Variants in TAF4B observed in about 807,000 individuals in gnomAD.
TAF4B encodes transcription initiation factor TFIID subunit 4B.
TAF4B carries 38 observed loss-of-function variants against 86.4 expected under a neutral mutation model. The observed-to-expected ratio is 0.44, with a 90% CI of 0.34 to 0.58. The LOEUF is 0.58. Among genes scored for constraint, TAF4B ranks in the 20% least tolerant of loss-of-function variants. The probability of loss-of-function intolerance (pLI) is 0.02; values close to 1 mark genes in which losing one functional copy is unlikely to be tolerated. For synonymous variants in TAF4B, 388 were observed against 391.2 expected, an observed-to-expected ratio of 0.99 and a Z score of 0.10; for missense variants, 988 against 1,027.6, an observed-to-expected ratio of 0.96 and a Z score of 0.53.
At position 26,226,482 on chromosome 18, in the gene TAF4B, G is replaced by A. The variant is rs1350978437; in HGVS notation, c.-452G>A. 6.5e-6 allele frequency: 1 copy of A among 153,092 alleles called. No individual in the cohort carries two copies. Among genetic ancestry groups the A allele is most frequent in the Non-Finnish European group, 1.5e-5 (1 of 68,756 alleles). The allele number at this position is 153,092 out of a possible 1,614,324, so 9.5% of individuals were successfully genotyped here. A position where few individuals can be genotyped will look rare whatever the true frequency, so the allele number is the denominator to read the frequency against. Reference sequence around the variant, plus strand: ...ACATGGCTGGCGTGGCCGCGCGGCGGGGCCGTGCCAATCGCGCGTAGGGGG... The same window carrying A: ...ACATGGCTGGCGTGGCCGCGCGGCGAGGCCGTGCCAATCGCGCGTAGGGGG... On this transcript the variant is annotated 5_prime_UTR_variant, in exon 1 of 15. Transcript: ENST00000269142.
intron 5 of TAF4B, among the ~76,000 whole-genome samples, chr18:26,277,466 A>G (rs1364957401): frequency 6.6e-6 from 1 of 152,236 alleles, no homozygotes; most frequent in East Asian, 1.9e-4. Flanking sequence ...CAAAACAACA[A>G]CAGAATTGAA....
chr18:26,324,730 C>T (rs773870427), intron 11 of TAF4B, among the ~76,000 whole-genome samples: 2 of 152,194 alleles, frequency 1.3e-5, no homozygotes, highest in African/African-American at 4.8e-5. Flanking sequence ...TTCCTACACT[C>T]ATTTGTTAAT....
intron 13 of TAF4B, among the ~76,000 whole-genome samples, chr18:26,338,300 T>C (rs2057108497): frequency 6.6e-6 from 1 of 151,482 alleles, no homozygotes; most frequent in Admixed American, 6.6e-5. Context: ...ATACAAAAAA[T>C]TAGCTGAGTG....
intron 14 of TAF4B, among the ~76,000 whole-genome samples, chr18:26,370,490 G>T (rs1378134570): frequency 6.6e-6 from 1 of 152,154 alleles, no homozygotes; most frequent in Non-Finnish European, 1.5e-5. Flanking sequence ...TCTGAAGGAG[G>T]TTAATCTCCT....
chr18:26,260,433 T>C (rs950448771), intron 1 of TAF4B, among the ~76,000 whole-genome samples: 2 of 152,212 alleles, frequency 1.3e-5, no homozygotes, highest in Non-Finnish European at 2.9e-5. Context: ...TTTAAGTCTT[T>C]AATCCATCTT....
intron 1 of TAF4B, among the ~76,000 whole-genome samples, chr18:26,255,493 C>T (rs1316946417): frequency 2.0e-5 from 3 of 150,840 alleles, no homozygotes; most frequent in South Asian, 2.1e-4. Context: ...AACCCAGCTA[C>T]TTGGGAGGCT....
intron 14 of TAF4B, among the ~76,000 whole-genome samples, chr18:26,382,301 A>C (rs1014171706): frequency 2.0e-5 from 3 of 152,200 alleles, no homozygotes; most frequent in African/African-American, 7.2e-5. Flanking sequence ...GAAAATAACC[A>C]TAGTGTAAGT....
At chr18:26,364,288 AG>A (rs1442758787) in intron 14 of TAF4B, among the ~76,000 whole-genome samples, 1 of 152,186 alleles carries the variant, frequency 6.6e-6, no homozygotes, top group Non-Finnish European at 1.5e-5. Context: ...GGGTCGCAGG[AG>A]GGTGGAAAAA....
intron 13 of TAF4B, among the ~76,000 whole-genome samples, chr18:26,345,604 G>A (rs1223503089): frequency 6.6e-6 from 1 of 152,186 alleles, no homozygotes; most frequent in Non-Finnish European, 1.5e-5. Flanking sequence ...GATTACAGCT[G>A]AAGAAACTAC....
chr18:26,273,214 CT>C lies in TAF4B; in HGVS notation c.598-1444del, dbSNP rs562788003. 4.0e-3 allele frequency among the ~76,000 whole-genome samples: 615 copies of C among 152,154 alleles called. 5 individuals carry two copies. Among genetic ancestry groups the C allele is most frequent in the Non-Finnish European group, 6.8e-3 (465 of 67,982 alleles). On this transcript the variant is annotated intron_variant, in intron 3 of 14. Transcript: ENST00000269142. ...GCCTGGAGACTTGAGGGAGGGAGGT[CT>C]TTTTGGGTATCATTTCAATGTCTTT...
chr18:26,354,073 A>G (rs985120881), intron 13 of TAF4B, among the ~76,000 whole-genome samples: 5 of 152,296 alleles, frequency 3.3e-5, no homozygotes, highest in African/African-American at 9.6e-5. Context: ...TGTTCCAACA[A>G]CATTTGATGT....
intron 9 of TAF4B, among the ~76,000 whole-genome samples, chr18:26,300,282 C>T (rs1256793942): frequency 6.7e-6 from 1 of 150,048 alleles, no homozygotes; most frequent in African/African-American, 2.4e-5. Context: ...AGCCACTATG[C>T]CTGGCTTGTT....
intron 10 of TAF4B, among the ~76,000 whole-genome samples, chr18:26,316,267 A>G (rs181649364): frequency 2.9e-3 from 441 of 152,320 alleles, no homozygotes; most frequent in Non-Finnish European, 4.2e-3. Context: ...GACCTATGGT[A>G]TATTTAAGGA....
intron 9 of TAF4B, among the ~76,000 whole-genome samples, chr18:26,310,956 GT>G (rs200429421): frequency 1.7e-4 from 25 of 144,782 alleles, no homozygotes; most frequent in East Asian, 8.1e-4. Context: ...TGCTTTTTTT[GT>G]TTTTTTTTTA....
intron 2 of TAF4B, among the ~76,000 whole-genome samples, chr18:26,265,681 G>T (rs1042094202): frequency 3.3e-4 from 50 of 151,912 alleles, no homozygotes; most frequent in Admixed American, 1.8e-3. Flanking sequence ...CCTGCCTCAG[G>T]CTCGCATATA....
At chr18:26,268,695 T>C (rs911122337) in intron 3 of TAF4B, among the ~76,000 whole-genome samples, 5 of 152,238 alleles carry the variant, frequency 3.3e-5, no homozygotes, top group African/African-American at 9.6e-5. Context: ...CCCTACCTCC[T>C]CCAGATGATG....
At chr18:26,247,407 C>T (rs976784901) in intron 1 of TAF4B, among the ~76,000 whole-genome samples, 2 of 152,158 alleles carry the variant, frequency 1.3e-5, no homozygotes, top group South Asian at 4.1e-4. Flanking sequence ...TGAGGACCCT[C>T]CAAATTCTCA....
chr18:26,373,862 A>C (rs2057423603), intron 14 of TAF4B, among the ~76,000 whole-genome samples: 1 of 152,144 alleles, frequency 6.6e-6, no homozygotes, highest in Non-Finnish European at 1.5e-5. Flanking sequence ...TTAGTAGTCC[A>C]AAAAGTTAGC....
Position 26,315,333 on chromosome 18 carries a change from T to G in TAF4B, c.1937T>G (p.Ile646Ser). 6.2e-7 allele frequency: 1 copy of G among 1,613,840 alleles called. No individual in the cohort carries two copies. Among genetic ancestry groups the G allele is most frequent in the Non-Finnish European group, 8.5e-7 (1 of 1,179,946 alleles). The stretch of plus-strand genomic sequence containing the variant: ...AACTCTGAATTGGTTGGCACACTCA[T>G]TCAGTCATGTAAAGATGAACCATTT... The part of the protein sequence containing the change: ...ATNSELVGTL[I>S]QSCKDEPFLF... The change falls in exon 10 of 15, where the codon ATT (isoleucine) becomes AGT (serine). Residue 646 changes from isoleucine (I) to serine (S), a missense_variant. Physicochemically the swap from Ile to Ser is moderately radical, Grantham distance 142. Coordinates refer to ENST00000269142, the MANE Select transcript of TAF4B (RefSeq NM_005640.3).
Sources: gnomAD v4.1 joint callset for allele counts (sites outside exome capture counted in the v4.1 genomes callset) on GRCh38, gnomAD v4.1.1 for gene constraint, MANE v1.5 for transcripts, NCBI Gene and HGNC (gene_info 2026-07-23, HGNC 2026-07-21) for gene names.